Variants in USP50 observed in about 807,000 individuals in gnomAD.
USP50 encodes ubiquitin specific peptidase 50, also known as ubiquitin carboxyl-terminal hydrolase 50.
USP50 carries 37 observed loss-of-function variants against 39.2 expected under a neutral mutation model. That is an observed-to-expected ratio of 0.94 (90% confidence interval 0.73 to 1.24). The LOEUF (loss-of-function observed/expected upper bound fraction) is 1.24, where lower values mean the gene tolerates loss of function less well. USP50 is among the 50% of genes most tolerant of loss of function. The pLI, the probability that USP50 is intolerant of heterozygous loss-of-function variation, is 0.00. For missense variants in USP50, 374 were observed against 398.2 expected (o/e 0.94, Z 0.52); for synonymous variants, 139 against 144.5 (o/e 0.96, Z 0.27).
chr15:50,540,796 G>A (rs1327417895), intron 4 of USP50, among the ~76,000 whole-genome samples: 1 of 152,054 alleles, frequency 6.6e-6, no homozygotes, highest in Non-Finnish European at 1.5e-5. Flanking sequence ...ACTAATTTTT[G>A]TATTTTTAGT....
downstream of USP50, chr15:50,496,793 T>TTAAAG (rs2052430880): frequency 4.2e-6 from 1 of 237,016 alleles, no homozygotes; most frequent in Non-Finnish European, 8.0e-6. Context: ...ACCTTTAGTC[T>TTAAAG]TAAAGTACCT....
chr15:50,512,020 A>T (rs1217295577), intron 6 of USP50: 1 of 152,090 alleles, frequency 6.6e-6, no homozygotes, highest in Non-Finnish European at 1.5e-5. Context: ...ATAAAATTTT[A>T]AAAATACGCA....
At chr15:50,501,216 CTG>C (rs2141337415) in intron 6 of USP50, 1 of 171,216 alleles carries the variant, frequency 5.8e-6, no homozygotes, top group South Asian at 1.3e-4. Flanking sequence ...TCCCAACACT[CTG>C]GGAGGCTGAG....
intron 6 of USP50, among the ~76,000 whole-genome samples, chr15:50,520,238 A>T (rs1457360674): frequency 6.6e-6 from 1 of 151,458 alleles, no homozygotes; most frequent in Non-Finnish European, 1.5e-5. Flanking sequence ...AAGCCCAGGA[A>T]TTTGCGGTTG....
At chr15:50,530,316 C>T (rs1357091026) in intron 5 of USP50, among the ~76,000 whole-genome samples, 1 of 150,860 alleles carries the variant, frequency 6.6e-6, no homozygotes, top group East Asian at 2.0e-4. Context: ...GGCAAGGTGG[C>T]TCACGCCTGT....
At chr15:50,505,402 A>C (rs957816047) in intron 6 of USP50, 18 of 152,212 alleles carry the variant, frequency 1.2e-4, no homozygotes, top group Non-Finnish European at 2.2e-4. Context: ...AATAACTGTC[A>C]ATCTGGAATT....
chr15:50,515,893 C>A (rs2052799726), intron 6 of USP50, among the ~76,000 whole-genome samples: 1 of 151,954 alleles, frequency 6.6e-6, no homozygotes, highest in Non-Finnish European at 1.5e-5. Context: ...AACTGCCCAG[C>A]AACAGGAGAA....
chr15:50,542,881 C>A (rs1016262815), intron 3 of USP50, among the ~76,000 whole-genome samples: 1 of 152,108 alleles, frequency 6.6e-6, no homozygotes, highest in East Asian at 1.9e-4. Context: ...TTTATGCTAA[C>A]CATTCCCTGG....
At chr15:50,536,487 A>G (rs1031066295) in intron 5 of USP50, among the ~76,000 whole-genome samples, 8 of 152,240 alleles carry the variant, frequency 5.3e-5, no homozygotes, top group Middle Eastern at 6.8e-3. Context: ...CTGAAAATAC[A>G]AAAACTAGTC....
chr15:50,537,499 T>TA (rs2052988718), intron 5 of USP50, among the ~76,000 whole-genome samples: 1 of 143,610 alleles, frequency 7.0e-6, no homozygotes, highest in Non-Finnish European at 1.5e-5. Context: ...GTCAAGAGAA[T>TA]AAAAAACAAG....
At chr15:50,529,726 A>G (rs186680800) in intron 6 of USP50, 71 bp downstream of exon 6, 14 of 1,519,950 alleles carry the variant, frequency 9.2e-6, no homozygotes, top group Non-Finnish European at 1.2e-5. Context: ...CAGGAGAAAT[A>G]GGGATTCAAG....
At chr15:50,514,664 G>A (rs954711075) in intron 6 of USP50, among the ~76,000 whole-genome samples, 1 of 152,102 alleles carries the variant, frequency 6.6e-6, no homozygotes, top group Non-Finnish European at 1.5e-5. Context: ...AAGTAGCTGG[G>A]ATTACAGGCG....
chr15:50,515,604 T>G (rs903722385), intron 6 of USP50, among the ~76,000 whole-genome samples: 1 of 151,484 alleles, frequency 6.6e-6, no homozygotes, highest in African/African-American at 2.4e-5. Flanking sequence ...AGAAAGAAAA[T>G]TATAGGTTAC....
chr15:50,496,233 G>A (rs750219694), downstream of USP50: 173 of 622,706 alleles, frequency 2.8e-4, 1 homozygote, highest in Middle Eastern at 2.7e-3. Flanking sequence ...TGTACTCCCA[G>A]CACTTTGGGA....
At chr15:50,499,388 CTT>C (rs36042420), downstream of USP50, 12 of 197,878 alleles carry the variant, frequency 6.1e-5, no homozygotes, top group East Asian at 2.3e-4. Context: ...CTATTGTTAT[CTT>C]TTTTTTTTCC....
At chr15:50,524,159 A>G (rs1281996466) in intron 6 of USP50, among the ~76,000 whole-genome samples, 1 of 152,264 alleles carries the variant, frequency 6.6e-6, no homozygotes, top group African/African-American at 2.4e-5. Flanking sequence ...AAGACCTGAA[A>G]CTATAAAACA....
At chr15:50,504,891 A>AG (rs1174606282) in intron 6 of USP50, 1 of 152,188 alleles carries the variant, frequency 6.6e-6, no homozygotes, top group East Asian at 1.9e-4. Context: ...CTGAAGCAGG[A>AG]GAATCGCTTG....
downstream of USP50, chr15:50,497,587 A>AATAAAATTT (rs1427755153): frequency 6.3e-6 from 1 of 158,766 alleles, no homozygotes; most frequent in Non-Finnish European, 1.4e-5. Flanking sequence ...TTATGTGTTA[A>AATAAAATTT]ATAAAATTTA....
intron 1 of USP50, among the ~76,000 whole-genome samples, chr15:50,495,491 G>A (rs993973777): frequency 6.7e-6 from 1 of 148,912 alleles, no homozygotes; most frequent in South Asian, 2.2e-4. Context: ...ATTGGAGGGG[G>A]GGGTCTCACT....
Sources: gnomAD v4.1 joint callset for allele counts (sites outside exome capture counted in the v4.1 genomes callset) on GRCh38, gnomAD v4.1.1 for gene constraint, MANE v1.5 for transcripts, NCBI Gene and HGNC (gene_info 2026-07-23, HGNC 2026-07-21) for gene names.